Variants in ODF2L observed in about 807,000 individuals in gnomAD.
ODF2L encodes the protein protein BCAP.
In ODF2L, 76 loss-of-function variants were observed where a neutral mutation model predicts 86.3. The ratio of observed to expected loss-of-function variants is 0.88; its 90% CI spans 0.73 to 1.07. The LOEUF is 1.07. Among genes scored for constraint, ODF2L ranks in the 50% least tolerant of loss-of-function variants. The pLI, the probability that ODF2L is intolerant of heterozygous loss-of-function variation, is 0.00. For missense variants in ODF2L, 748 were observed against 717.4 expected (o/e 1.04, Z -0.49); for synonymous variants, 241 against 231.3 (o/e 1.04, Z -0.38).
intron 9 of ODF2L, among the ~76,000 whole-genome samples, chr1:86,371,536 AAAAC>A (rs1403313712): frequency 1.3e-5 from 2 of 152,226 alleles, no homozygotes; most frequent in African/African-American, 2.4e-5. Flanking sequence ...GTGAGGCAAT[AAAAC>A]TAAACTTTAG....
intron 12 of ODF2L, among the ~76,000 whole-genome samples, chr1:86,359,421 G>C (rs567886351): frequency 1.3e-5 from 2 of 151,986 alleles, no homozygotes; most frequent in South Asian, 4.2e-4. Context: ...ATTCTAACTG[G>C]ATGTCTCAAC....
At chr1:86,383,038 C>T in intron 5 of ODF2L, 36 bp from the exon 6 acceptor site, 1 of 1,337,412 alleles carries the variant, frequency 7.5e-7, no homozygotes, top group Non-Finnish European at 1.1e-6. Context: ...AGGAATTTCA[C>T]AACTTGGATA....
chr1:86,360,384 T>A, intron 12 of ODF2L, 42 bp downstream of exon 11: 1 of 871,220 alleles, frequency 1.1e-6, no homozygotes, highest in South Asian at 1.5e-5. Flanking sequence ...TTTTAAATTG[T>A]CTACCAATTT....
At chr1:86,394,411 CAA>C (rs34652957) in intron 1 of ODF2L, among the ~76,000 whole-genome samples, 5 of 115,564 alleles carry the variant, frequency 4.3e-5, no homozygotes, top group African/African-American at 3.1e-5. Context: ...GACTCCATCT[CAA>C]AAAAAAAAAA....
intron 2 of ODF2L, chr1:86,385,828 T>G: frequency 3.5e-6 from 1 of 288,464 alleles, no homozygotes; most frequent in Non-Finnish European, 6.3e-6. Flanking sequence ...TATAGTTAAG[T>G]TTGAAGGAGC....
intron 13 of ODF2L, chr1:86,357,890 A>T: frequency 1.0e-6 from 1 of 985,190 alleles, no homozygotes; most frequent in South Asian, 4.7e-5. Context: ...TGCCTAGCAG[A>T]AAAGGAGACA....
At chr1:86,385,748 A>G in intron 2 of ODF2L, 158 bp from the exon 3 acceptor site, 1 of 490,156 alleles carries the variant, frequency 2.0e-6, no homozygotes, top group Non-Finnish European at 3.6e-6. Flanking sequence ...AGCAAATTTT[A>G]AGAATACTTT....
At chr1:86,371,307 TAAG>T (rs1212140844) in intron 9 of ODF2L, among the ~76,000 whole-genome samples, 154 bp from the exon 10 acceptor site, 9 of 152,070 alleles carry the variant, frequency 5.9e-5, no homozygotes, top group East Asian at 3.9e-4. Context: ...ACAAGAAAAA[TAAG>T]AAGAAGTAAT....
intron 14 of ODF2L, chr1:86,355,901 TA>T (rs1250508537): frequency 2.5e-5 from 4 of 158,474 alleles, no homozygotes; most frequent in Non-Finnish European, 4.2e-5. Flanking sequence ...ACTGCTCCTT[TA>T]AAAAAAATTT....
intron 8 of ODF2L, among the ~76,000 whole-genome samples, chr1:86,373,282 T>C (rs1485297928): frequency 6.6e-6 from 1 of 151,198 alleles, no homozygotes; most frequent in East Asian, 1.9e-4. Flanking sequence ...TTCTTTTTAC[T>C]GAACTTTCCA....
intron 1 of ODF2L, among the ~76,000 whole-genome samples, chr1:86,392,222 T>C (rs539707423): frequency 1.3e-5 from 2 of 152,340 alleles, no homozygotes; most frequent in South Asian, 4.1e-4. Flanking sequence ...AGAACACTTC[T>C]ACACTGTTGG....
chr1:86,351,847 T>C (rs1221510364), exon 18 of ODF2L: 2 of 1,000,964 alleles, frequency 2.0e-6, no homozygotes, highest in Non-Finnish European at 2.4e-6. Context: ...TTATTCTCTT[T>C]GTGGCAATTG....
chr1:86,357,622 G>GA (rs1658688615), intron 13 of ODF2L: 1 of 219,482 alleles, frequency 4.6e-6, no homozygotes, highest in South Asian at 1.5e-4. Flanking sequence ...AAAACAGACT[G>GA]AAAAATGTCT....
chr1:86,376,158 A>T, intron 8 of ODF2L, 75 bp downstream of exon 8: 2 of 748,272 alleles, frequency 2.7e-6, no homozygotes, highest in Non-Finnish European at 4.2e-6. Flanking sequence ...TTACTATATT[A>T]AGCATCATGA....
chr1:86,352,345 C>A, intron 17 of ODF2L: 1 of 1,042,576 alleles, frequency 9.6e-7, no homozygotes, highest in Non-Finnish European at 1.3e-6. Flanking sequence ...GGAAAAAAAA[C>A]AGAAGACTAA....
chr1:86,351,466 A>G (rs1451667007), exon 18 of ODF2L: 5 of 152,190 alleles, frequency 3.3e-5, no homozygotes, highest in Non-Finnish European at 7.3e-5. Context: ...CTGTTTTGGC[A>G]CCAGTACCAT....
intron 11 of ODF2L, among the ~76,000 whole-genome samples, chr1:86,362,439 C>T (rs912444926): frequency 2.6e-5 from 4 of 151,222 alleles, no homozygotes; most frequent in African/African-American, 7.3e-5. Flanking sequence ...GAGGCGCACA[C>T]CACCACACCT....
At chr1:86,375,100 C>T (rs1660076191) in intron 8 of ODF2L, 1 of 151,878 alleles carries the variant, frequency 6.6e-6, no homozygotes, top group Non-Finnish European at 1.5e-5. Context: ...TGTTTTAGAA[C>T]TACTTCAAAA....
intron 7 of ODF2L, among the ~76,000 whole-genome samples, chr1:86,378,147 C>A (rs1328311901): frequency 6.6e-6 from 1 of 152,186 alleles, no homozygotes; most frequent in Non-Finnish European, 1.5e-5. Context: ...CCTAAATCAT[C>A]TCTCTCAAGT....
Sources: gnomAD v4.1 joint callset for allele counts (sites outside exome capture counted in the v4.1 genomes callset) on GRCh38, gnomAD v4.1.1 for gene constraint, MANE v1.5 for transcripts, NCBI Gene and HGNC (gene_info 2026-07-23, HGNC 2026-07-21) for gene names.